Variants in SHISA9 observed in about 807,000 individuals in gnomAD.
SHISA9 encodes the protein protein shisa-9.
A neutral mutation model predicts 38.0 loss-of-function variants in SHISA9; 13 were observed. The ratio of observed to expected loss-of-function variants is 0.34; its 90% confidence interval spans 0.22 to 0.54. The LOEUF (loss-of-function observed/expected upper bound fraction) is 0.54. SHISA9 is among the 20% of genes least tolerant of loss of function. The pLI is 0.91. For missense variants in SHISA9, 538 were observed against 575.8 expected (o/e 0.93, Z 0.67); for synonymous variants, 275 against 242.0 (o/e 1.14, Z -1.27).
chr16:13,466,650 G>C, the SHISA9 span, among the ~76,000 whole-genome samples: 4 of 152,200 alleles, frequency 2.6e-5, no homozygotes, highest in African/African-American at 9.6e-5. Flanking sequence ...GATTGTAACT[G>C]TAATGAGTAT....
chr16:13,496,562 G>A, the SHISA9 span, among the ~76,000 whole-genome samples: 1 of 151,560 alleles, frequency 6.6e-6, no homozygotes, highest in Admixed American at 6.6e-5. Flanking sequence ...AAATCCAATA[G>A]GTCATGAGAA....
the SHISA9 span, among the ~76,000 whole-genome samples, chr16:13,408,324 C>T: frequency 1.8e-3 from 280 of 152,248 alleles, 1 homozygote; most frequent in African/African-American, 6.5e-3. Context: ...AAGAAAGCCA[C>T]AGCAGGTTAC....
chr16:13,277,047 G>C, the SHISA9 span, among the ~76,000 whole-genome samples: 1 of 152,084 alleles, frequency 6.6e-6, no homozygotes, highest in Non-Finnish European at 1.5e-5. Context: ...TATAGTTTCA[G>C]GTATTAGGTT....
At chr16:13,299,831 C>T in the SHISA9 span, among the ~76,000 whole-genome samples, 3 of 152,286 alleles carry the variant, frequency 2.0e-5, no homozygotes, top group Middle Eastern at 3.4e-3. Flanking sequence ...CTCCCTGCTA[C>T]GTGTGCATGG....
chr16:13,146,126 G>T lies in SHISA9; in HGVS notation c.692-57268G>T, dbSNP rs561647708. ...TTTCCCTTGAACCCGGGAGGGGAAG[G>T]TTGCAGTGAGCCGAGATTGCACCAC... On this transcript the variant is annotated intron_variant, in intron 2 of 4. Transcript: ENST00000558583. Among the ~76,000 whole-genome samples, 5 of 152,364 alleles carry T rather than the reference G, an allele frequency of 3.3e-5. No individual in the cohort carries two copies. The East Asian group carries it at 7.7e-4, about 24-fold the overall frequency.
rs2051374484 is a variant in SHISA9, at chr16:13,235,490, C to T, written c.*81C>T. 5 of 1,427,022 alleles carry T rather than the reference C, an allele frequency of 3.5e-6. No individual in the cohort carries two copies. Among genetic ancestry groups the T allele is most frequent in the Middle Eastern group, 1.8e-4 (1 of 5,434 alleles). The allele number at this position is 1,427,022 out of a possible 1,614,324, so 88.4% of individuals were successfully genotyped here. A position where few individuals can be genotyped will look rare whatever the true frequency, so the allele number is the denominator to read the frequency against. On this transcript the variant is annotated 3_prime_UTR_variant, in exon 5 of 5. Coordinates refer to ENST00000558583, the MANE Select transcript of SHISA9 (RefSeq NM_001145204.3). ...CAACCCCGCCCACACCCTCCCCATC[C>T]TCCCCTAATACATGCGTCCACACAC...
chr16:13,165,202 G>A (rs1336958585), intron 2 of SHISA9, among the ~76,000 whole-genome samples: 1 of 151,928 alleles, frequency 6.6e-6, no homozygotes, highest in Non-Finnish European at 1.5e-5. Context: ...CTCTCCCCTA[G>A]GAACACTGAT....
intron 2 of SHISA9, among the ~76,000 whole-genome samples, chr16:12,927,647 A>C (rs2071408823): frequency 6.6e-6 from 1 of 151,150 alleles, no homozygotes; most frequent in East Asian, 1.9e-4. Flanking sequence ...GGACTCAAGC[A>C]ATCCTCTTGC....
intron 2 of SHISA9, among the ~76,000 whole-genome samples, chr16:12,925,771 A>G (rs192582762): frequency 4.9e-4 from 75 of 152,364 alleles, no homozygotes; most frequent in African/African-American, 1.6e-3. Flanking sequence ...GAATATCTGG[A>G]TTAAGTGATA....
At chr16:13,041,800 G>T (rs908587896) in intron 2 of SHISA9, among the ~76,000 whole-genome samples, 1 of 152,204 alleles carries the variant, frequency 6.6e-6, no homozygotes, top group African/African-American at 2.4e-5. Flanking sequence ...CACTGCCATG[G>T]ATTCCAATTT....
intron 2 of SHISA9, among the ~76,000 whole-genome samples, chr16:13,110,235 C>T (rs1004271587): frequency 1.3e-5 from 2 of 152,196 alleles, no homozygotes; most frequent in South Asian, 2.1e-4. Flanking sequence ...TTTGCTGGAG[C>T]ATTTCCGCCT....
chr16:13,532,281 C>T, the SHISA9 span, among the ~76,000 whole-genome samples: 1 of 152,118 alleles, frequency 6.6e-6, no homozygotes, highest in Non-Finnish European at 1.5e-5. Flanking sequence ...TGCAAATGTC[C>T]AGAGGCTTCT....
intron 2 of SHISA9, among the ~76,000 whole-genome samples, chr16:13,084,413 A>G (rs2073688140): frequency 6.6e-6 from 1 of 152,248 alleles, no homozygotes; most frequent in African/African-American, 2.4e-5. Context: ...AGACAACAGT[A>G]TTCTTGCTTC....
At chr16:13,310,874 G>A in the SHISA9 span, among the ~76,000 whole-genome samples, 1 of 151,858 alleles carries the variant, frequency 6.6e-6, no homozygotes, top group Non-Finnish European at 1.5e-5. Flanking sequence ...AGTAGAGACG[G>A]GGTTTCATCC....
At chr16:12,929,367 T>TAGTAAAG (rs1459268096) in intron 2 of SHISA9, among the ~76,000 whole-genome samples, 2 of 152,158 alleles carry the variant, frequency 1.3e-5, no homozygotes, top group African/African-American at 4.8e-5. Context: ...ATATTCACAA[T>TAGTAAAG]AGTAAAGACT....
At chr16:13,508,606 A>G in the SHISA9 span, among the ~76,000 whole-genome samples, 1 of 152,194 alleles carries the variant, frequency 6.6e-6, no homozygotes, top group Non-Finnish European at 1.5e-5. Context: ...AGAGATGTAC[A>G]TGTGTCAGCA....
intron 2 of SHISA9, among the ~76,000 whole-genome samples, chr16:12,935,730 C>A (rs1195290020): frequency 6.6e-6 from 1 of 151,802 alleles, no homozygotes; most frequent in Non-Finnish European, 1.5e-5. Flanking sequence ...TGCCTGTGGT[C>A]CCAGCTACTT....
At chr16:12,931,519 A>G (rs1214712726) in intron 2 of SHISA9, among the ~76,000 whole-genome samples, 2 of 152,186 alleles carry the variant, frequency 1.3e-5, no homozygotes, top group African/African-American at 2.4e-5. Flanking sequence ...GATCCCACTT[A>G]TAAGTGAGAA....
At chr16:13,203,289 C>G in intron 2 of SHISA9, 105 bp from the exon 3 acceptor site, 1 of 1,180,832 alleles carries the variant, frequency 8.5e-7, no homozygotes, top group African/African-American at 1.6e-5. Context: ...ACTTGCGTCC[C>G]TAAAGGGTGG....
Sources: gnomAD v4.1 joint callset for allele counts (sites outside exome capture counted in the v4.1 genomes callset) on GRCh38, gnomAD v4.1.1 for gene constraint, MANE v1.5 for transcripts, NCBI Gene and HGNC (gene_info 2026-07-23, HGNC 2026-07-21) for gene names.